AMACR: variants seen among roughly 807,000 people sequenced by gnomAD.
AMACR encodes alpha-methylacyl-CoA racemase.
AMACR carries 18 observed loss-of-function variants against 22.2 expected under a neutral mutation model. The observed-to-expected ratio is 0.81, with a 90% CI of 0.56 to 1.20. The LOEUF is 1.20. Ranked by LOEUF, AMACR falls within the 50% of genes most tolerant of loss-of-function variation. The pLI is 0.00. For synonymous variants in AMACR, 213 were observed against 191.3 expected (o/e 1.11, Z -0.94); for missense variants, 499 against 490.6 (o/e 1.02, Z -0.16).
At chr5:34,005,957 C>T (rs906296088) in intron 1 of AMACR, 58 bp from the exon 2 acceptor site, 119 of 1,591,132 alleles carry the variant, frequency 7.5e-5, no homozygotes, top group Non-Finnish European at 1.0e-4. Flanking sequence ...GGAGATAATC[C>T]CTTCTCTGAG....
intron 2 of AMACR, 96 bp from the exon 3 acceptor site, chr5:34,004,830 G>A: frequency 7.1e-7 from 1 of 1,408,546 alleles, no homozygotes; most frequent in Non-Finnish European, 9.8e-7. Flanking sequence ...AATCTCTCCA[G>A]CAGATAATCT....
chr5:33,997,695 C>A, intron 4 of AMACR: 2 of 635,858 alleles, frequency 3.1e-6, no homozygotes, highest in Admixed American at 2.8e-5. Flanking sequence ...AGAGAGGTAC[C>A]CTTTATGATC....
At chr5:33,993,236 T>A (rs1201272258) in intron 4 of AMACR, among the ~76,000 whole-genome samples, 1 of 152,216 alleles carries the variant, frequency 6.6e-6, no homozygotes, top group South Asian at 2.1e-4. Flanking sequence ...TTCATCTCTG[T>A]TGTAACGTGT....
chr5:33,988,985 G>T lies in AMACR; in HGVS notation c.*108C>A, dbSNP rs1312085551. On this transcript the variant is annotated 3_prime_UTR_variant, in exon 5 of 5. Coordinates refer to ENST00000335606, the MANE Select transcript of AMACR (RefSeq NM_014324.6). ...TGTAATTCTTTTCTTGATTAGAGTG[G>T]TAGGACACTGTAATACTGTTCCTCC... 1.3e-6 allele frequency: 2 copies of T among 1,554,838 alleles called. No homozygotes were observed. Among genetic ancestry groups the T allele is most frequent in the Non-Finnish European group, 1.7e-6 (2 of 1,151,024 alleles).
intron 4 of AMACR, among the ~76,000 whole-genome samples, chr5:33,992,870 T>C (rs1413693399): frequency 6.6e-6 from 1 of 152,122 alleles, no homozygotes; most frequent in Non-Finnish European, 1.5e-5. Flanking sequence ...AGCAAACATA[T>C]AATTTTAAAT....
At chr5:34,004,832 A>G in intron 2 of AMACR, 98 bp from the exon 3 acceptor site, 1 of 1,388,610 alleles carries the variant, frequency 7.2e-7, no homozygotes, top group East Asian at 2.5e-5. Flanking sequence ...TCTCTCCAGC[A>G]GATAATCTAA....
chr5:33,988,878 T>C lies in AMACR; in HGVS notation c.*215A>G, dbSNP rs1753380801. 5 of 1,395,298 alleles carry C rather than the reference T, an allele frequency of 3.6e-6. No individual in the cohort carries two copies. The highest frequency in any genetic ancestry group is 4.6e-6 in the Non-Finnish European group (5 of 1,079,146). 86.4% of individuals were successfully genotyped at this position (1,395,298 alleles called of 1,614,324 possible). ...AGGCAGAATAACTACCATAATTTAG[T>C]ATAAGTACCCAAAGTTTTATAAATC... is the stretch of plus-strand genomic sequence containing the variant. On this transcript the variant is annotated 3_prime_UTR_variant, in exon 5 of 5. Coordinates refer to ENST00000335606, the MANE Select transcript of AMACR (RefSeq NM_014324.6).
chr5:33,990,465 T>C (rs1328280872), intron 4 of AMACR, among the ~76,000 whole-genome samples: 1 of 152,212 alleles, frequency 6.6e-6, no homozygotes, highest in Non-Finnish European at 1.5e-5. Context: ...TTACTGACTA[T>C]GTGGTTCTAC....
rs1333841425 is a variant in AMACR at position 33,987,784 on chromosome 5, A to T, written c.*1309T>A. The stretch of plus-strand genomic sequence containing the variant: ...GATTAACAATGAAATAGAAATGAAA[A>T]ATATATTTTTTTATTTATGTGTATT... On this transcript the variant is annotated 3_prime_UTR_variant, in exon 5 of 5. Transcript: ENST00000335606. 6.6e-6 allele frequency: 1 copy of T among 152,252 alleles called. No individual in the cohort carries two copies. The highest frequency in any genetic ancestry group is 6.5e-5 in the Admixed American group (1 of 15,294). 9.4% of individuals were successfully genotyped at this position (152,252 alleles called of 1,614,324 possible).
In AMACR at chr5:33,989,502, C is replaced by T. The variant is rs749253247; in HGVS notation, c.740G>A (p.Gly247Glu). The change falls in exon 5 of 5, where the codon GGA (glycine) becomes GAA (glutamate). Residue 247 changes from glycine (G) to glutamate (E), a missense_variant and splice_region_variant. Physicochemically the swap from Gly to Glu is moderately conservative, Grantham distance 98. Transcript: ENST00000335606. Reference protein sequence around the residue: ...EPQFYELLIKGLGLKSDELPN... With the variant: ...EPQFYELLIKELGLKSDELPN... ...AAGTTCATCAGACTTTAGTCCAAGT[C>T]CTGAGGAAAAATACAATTTCCTAAA... is the stretch of plus-strand genomic sequence containing the variant. 2.5e-6 allele frequency: 4 copies of T among 1,612,800 alleles called. No homozygotes were observed. In the South Asian group the frequency reaches 4.4e-5, roughly 18 times the overall value.
Position 33,988,687 on chromosome 5 carries a change from T to A in AMACR, c.*406A>T. 1.6e-6 allele frequency: 2 copies of A among 1,218,976 alleles called. No individual in the cohort carries two copies. Among genetic ancestry groups the A allele is most frequent in the Non-Finnish European group, 2.1e-6 (2 of 975,544 alleles). The allele number at this position is 1,218,976 out of a possible 1,614,324, so 75.5% of individuals were successfully genotyped here. ...ATCACTCTGTTTCACGTGACTTTTA[T>A]CACCATACAATTTGTGGCATTTCCT... On this transcript the variant is annotated 3_prime_UTR_variant, in exon 5 of 5. Transcript: ENST00000335606.
intron 1 of AMACR, 77 bp downstream of exon 1, chr5:34,007,696 T>C (rs1554006353): frequency 7.0e-7 from 1 of 1,437,102 alleles, no homozygotes; most frequent in Non-Finnish European, 9.1e-7. Context: ...GTGTGGCGGG[T>C]GCAGCCTCGA....
Position 33,988,797 on chromosome 5 carries a change from C to A in AMACR, c.*296G>T. On this transcript the variant is annotated 3_prime_UTR_variant, in exon 5 of 5. Coordinates refer to ENST00000335606, the MANE Select transcript of AMACR (RefSeq NM_014324.6). ...ATATCATTCCTTTTTCACTAGAACC[C>A]ATTCAAAATATAAGTCAAGAATCTT... 1 of 1,257,290 alleles carries A rather than the reference C, an allele frequency of 8.0e-7. No individual in the cohort carries two copies. The allele number at this position is 1,257,290 out of a possible 1,614,324, so 77.9% of individuals were successfully genotyped here. A position where few individuals can be genotyped will look rare whatever the true frequency, so the allele number is the denominator to read the frequency against.
intron 1 of AMACR, 80 bp downstream of exon 1, chr5:34,007,693 G>C (rs1017144695): frequency 2.1e-6 from 3 of 1,447,338 alleles, no homozygotes; most frequent in Non-Finnish European, 2.7e-6. Context: ...AAGGTGTGGC[G>C]GGTGCAGCCT....
intron 1 of AMACR, among the ~76,000 whole-genome samples, chr5:34,007,382 G>A (rs1273454872): frequency 6.6e-6 from 1 of 152,154 alleles, no homozygotes; most frequent in Non-Finnish European, 1.5e-5. Context: ...ACTCCAAAAC[G>A]GTAGCCGAAT....
At chr5:34,005,631 A>C in intron 2 of AMACR, 125 bp downstream of exon 2, 2 of 1,189,416 alleles carry the variant, frequency 1.7e-6, no homozygotes, top group Admixed American at 2.2e-5. Context: ...TTGAACACCC[A>C]TGCTCTCTTG....
chr5:33,997,519 C>G (rs1753680214), intron 4 of AMACR: 1 of 780,340 alleles, frequency 1.3e-6, no homozygotes, highest in South Asian at 1.3e-5. Flanking sequence ...TCTCCCAGAC[C>G]TGGCCAAGGA....
rs1156726578 is a variant in AMACR, at chr5:34,007,797, C to T, written c.223G>A (p.Val75Met). 6.4e-7 allele frequency: 1 copy of T among 1,570,834 alleles called. No homozygotes were observed. The highest frequency in any genetic ancestry group is 8.6e-7 in the Non-Finnish European group (1 of 1,163,326). ...CCGCGGCGGAAGGGCTCCAGCAGCA[C>T]ATCCGACCGCTTGCACAGACGCCGC... ...VLRRLCKRSD[V>M]LLEPFRRGVM... is the part of the protein sequence containing the mutation. The change falls in exon 1 of 5, where the codon GTG (valine) becomes ATG (methionine). Residue 75 changes from valine to methionine, a missense_variant. Coordinates refer to ENST00000335606, the MANE Select transcript of AMACR (RefSeq NM_014324.6).
Position 33,997,118 on chromosome 5 carries a change from C to T in AMACR, c.739+1523G>A, listed in dbSNP as rs150327488. 1.3e-4 allele frequency: 99 copies of T among 749,310 alleles called. No individual in the cohort carries two copies. The African/African-American group carries it at 1.5e-3, about 11-fold the overall frequency. The allele number at this position is 749,310 out of a possible 1,614,324, so 46.4% of individuals were successfully genotyped here. A position where few individuals can be genotyped will look rare whatever the true frequency, so the allele number is the denominator to read the frequency against. On this transcript the variant is annotated intron_variant, in intron 4 of 4. Transcript: ENST00000335606. ...TCTGCTGTGAGAGAGCCAAGTTCAA[C>T]GGCAGTTTCCTTTAAGGTTGATCCA...
Sources: allele counts gnomAD v4.1 joint callset (sites outside exome capture counted in the v4.1 genomes callset), GRCh38; gene constraint gnomAD v4.1.1; transcripts MANE v1.5; gene names NCBI Gene and HGNC (gene_info 2026-07-23, HGNC 2026-07-21).